SUGCT: variants seen among roughly 807,000 people sequenced by gnomAD.
SUGCT encodes succinyl-CoA:glutarate CoA-transferase.
A neutral mutation model predicts 55.0 loss-of-function variants in SUGCT; 41 were observed. The ratio of observed to expected loss-of-function variants is 0.74; its 90% CI spans 0.58 to 0.97. The LOEUF (loss-of-function observed/expected upper bound fraction) is 0.97. SUGCT is among the 50% of genes least tolerant of loss of function. The pLI, the probability that SUGCT is intolerant of heterozygous loss-of-function variation, is 0.00. For synonymous variants in SUGCT, 187 were observed against 200.4 expected, an observed-to-expected ratio of 0.93 and a Z score of 0.56; for missense variants, 568 against 547.8, an observed-to-expected ratio of 1.04 and a Z score of -0.37.
intron 12 of SUGCT, among the ~76,000 whole-genome samples, chr7:40,662,913 A>C (rs1801405936): frequency 6.6e-6 from 1 of 152,186 alleles, no homozygotes; most frequent in Non-Finnish European, 1.5e-5. Flanking sequence ...CCAGGAACGG[A>C]GCTTCCCTCA....
chr7:40,691,439 A>T (rs1055296261), intron 12 of SUGCT, among the ~76,000 whole-genome samples: 2 of 152,162 alleles, frequency 1.3e-5, no homozygotes, highest in East Asian at 3.9e-4. Context: ...GAAAGAATTG[A>T]AATCAGCATG....
downstream of SUGCT, among the ~76,000 whole-genome samples, chr7:40,862,731 G>GTT (rs200059575): frequency 3.0e-3 from 404 of 134,314 alleles, 2 homozygotes; most frequent in African/African-American, 0.011. Flanking sequence ...TCTTTTTCTT[G>GTT]TTTTTTTTTT....
intron 9 of SUGCT, among the ~76,000 whole-genome samples, chr7:40,403,837 G>A (rs913872257): frequency 1.3e-5 from 2 of 152,202 alleles, no homozygotes; most frequent in African/African-American, 4.8e-5. Context: ...AGTTTACAGT[G>A]CAAACATGCC....
rs189933657 is a variant in SUGCT at position 40,227,886 on chromosome 7, A to T, written c.485-9749A>T. On this transcript the variant is annotated intron_variant, in intron 6 of 13. Coordinates refer to ENST00000335693, the MANE Select transcript of SUGCT (RefSeq NM_001193313.2). ...TATTTATTTATTTATATATTTATTTATTTATTTATTTTTGAGATGGAGTTT... is the reference window on the plus strand; with the variant it reads ...TATTTATTTATTTATATATTTATTTTTTTATTTATTTTTGAGATGGAGTTT... Among the ~76,000 whole-genome samples, 884 of 150,108 alleles carry T rather than the reference A, an allele frequency of 5.9e-3. 7 individuals carry two copies. The highest frequency in any genetic ancestry group is 0.021 in the African/African-American group (832 of 40,554).
intron 12 of SUGCT, among the ~76,000 whole-genome samples, chr7:40,566,977 A>G (rs1796191889): frequency 6.6e-6 from 1 of 152,250 alleles, no homozygotes; most frequent in South Asian, 2.1e-4. Context: ...GCAGGCAACT[A>G]AAAGCTTAAG....
chr7:40,217,161 C>A (rs1787711470), intron 6 of SUGCT, among the ~76,000 whole-genome samples: 1 of 152,136 alleles, frequency 6.6e-6, no homozygotes, highest in South Asian at 2.1e-4. Flanking sequence ...TTGATGTTTA[C>A]CCTTCTCCGT....
At chr7:40,778,218 TA>T (rs1468660039) in intron 13 of SUGCT, among the ~76,000 whole-genome samples, 16 of 139,796 alleles carry the variant, frequency 1.1e-4, no homozygotes, top group African/African-American at 3.9e-4. Flanking sequence ...TTATAAATCA[TA>T]GCTGCCTTCT....
At chr7:40,293,489 A>G (rs1255476759) in intron 8 of SUGCT, among the ~76,000 whole-genome samples, 3 of 152,176 alleles carry the variant, frequency 2.0e-5, no homozygotes, top group Non-Finnish European at 4.4e-5. Flanking sequence ...GCAAAGTTTG[A>G]AAACTGCTGT....
intron 2 of SUGCT, among the ~76,000 whole-genome samples, chr7:40,181,746 CA>C (rs35533534): frequency 2.2e-3 from 226 of 103,860 alleles, no homozygotes; most frequent in African/African-American, 4.0e-3. Flanking sequence ...ACTCCGTCTC[CA>C]AAAAAAAAAA....
intron 9 of SUGCT, among the ~76,000 whole-genome samples, chr7:40,348,133 C>A (rs924838881): frequency 1.3e-5 from 2 of 152,242 alleles, no homozygotes; most frequent in African/African-American, 4.8e-5. Flanking sequence ...GGGGAGACAG[C>A]AGCTAGCGCT....
At chr7:40,566,421 A>G (rs1796157369) in intron 12 of SUGCT, among the ~76,000 whole-genome samples, 1 of 152,208 alleles carries the variant, frequency 6.6e-6, no homozygotes, top group Non-Finnish European at 1.5e-5. Flanking sequence ...GAGGGGTCCC[A>G]TGAATTTCTC....
intron 8 of SUGCT, among the ~76,000 whole-genome samples, chr7:40,281,241 T>C (rs1792933803): frequency 6.6e-6 from 1 of 151,970 alleles, no homozygotes; most frequent in Non-Finnish European, 1.5e-5. Flanking sequence ...GAAAAGCCCG[T>C]GAATGTACAA....
At chr7:40,960,255 ACT>A in the SUGCT span, among the ~76,000 whole-genome samples, 45 of 151,406 alleles carry the variant, frequency 3.0e-4, no homozygotes, top group Admixed American at 5.3e-4. Flanking sequence ...TCATTTGCAC[ACT>A]CTCCTTCAAA....
chr7:40,371,010 T>C (rs1189365451), intron 9 of SUGCT, among the ~76,000 whole-genome samples: 1 of 152,114 alleles, frequency 6.6e-6, no homozygotes, highest in Non-Finnish European at 1.5e-5. Context: ...CTGGCCAGAC[T>C]CATGTAACTA....
At chr7:40,536,392 G>T (rs745609664) in intron 12 of SUGCT, among the ~76,000 whole-genome samples, 6 of 152,208 alleles carry the variant, frequency 3.9e-5, no homozygotes, top group African/African-American at 9.6e-5. Context: ...CTGAAGGTAC[G>T]GGGACAGAAA....
chr7:40,502,907 G>A (rs185913842), intron 12 of SUGCT, among the ~76,000 whole-genome samples: 256 of 152,084 alleles, frequency 1.7e-3, no homozygotes, highest in South Asian at 3.5e-3. Flanking sequence ...TAAGAATTTC[G>A]TATTTTAAAA....
intron 12 of SUGCT, among the ~76,000 whole-genome samples, chr7:40,524,941 G>A (rs1463076295): frequency 6.6e-6 from 1 of 152,148 alleles, no homozygotes; most frequent in Non-Finnish European, 1.5e-5. Context: ...AGCCTCTGGG[G>A]CAGAAGCCTT....
At chr7:40,601,674 C>T (rs1351303395) in intron 12 of SUGCT, among the ~76,000 whole-genome samples, 3 of 152,022 alleles carry the variant, frequency 2.0e-5, no homozygotes, top group South Asian at 2.1e-4. Context: ...GCAGACAGTT[C>T]GCAGCCTAGA....
At chr7:40,312,449 G>A (rs1348148099) in intron 8 of SUGCT, among the ~76,000 whole-genome samples, 9 of 116,690 alleles carry the variant, frequency 7.7e-5, no homozygotes, top group South Asian at 6.1e-4. Flanking sequence ...TTAATACTAC[G>A]CTGGTGAAAT....
Sources: allele counts gnomAD v4.1 joint callset (sites outside exome capture counted in the v4.1 genomes callset), GRCh38; gene constraint gnomAD v4.1.1; transcripts MANE v1.5; gene names NCBI Gene and HGNC (gene_info 2026-07-23, HGNC 2026-07-21).